The following DGKI variants were observed in gnomAD, a reference collection of about 807,000 sequenced individuals.
The protein encoded by DGKI is DAG kinase iota.
DGKI carries 55 observed loss-of-function variants against 147.5 expected under a neutral mutation model. The ratio of observed to expected loss-of-function variants is 0.37; its 90% CI spans 0.30 to 0.47. The LOEUF (loss-of-function observed/expected upper bound fraction) is 0.47. Among genes scored for constraint, DGKI ranks in the 20% least tolerant of loss-of-function variants. The pLI is 1.00. For missense variants in DGKI, 1,007 were observed against 1,323.8 expected (o/e 0.76, Z 3.71); for synonymous variants, 469 against 477.1 (o/e 0.98, Z 0.22).
At chr7:137,458,533 C>T (rs1010250946) in intron 27 of DGKI, among the ~76,000 whole-genome samples, 14 of 152,170 alleles carry the variant, frequency 9.2e-5, no homozygotes, top group African/African-American at 3.4e-4. Flanking sequence ...AAAAAGGTTA[C>T]TCTGATTCAG....
At chr7:137,807,661 A>G (rs563669679) in intron 1 of DGKI, among the ~76,000 whole-genome samples, 1 of 152,316 alleles carries the variant, frequency 6.6e-6, no homozygotes, top group South Asian at 2.1e-4. Flanking sequence ...CACTGCAGCT[A>G]TTGATAGGCC....
chr7:137,579,065 T>C (rs1303235727), intron 15 of DGKI, among the ~76,000 whole-genome samples: 3 of 152,228 alleles, frequency 2.0e-5, no homozygotes, highest in Non-Finnish European at 4.4e-5. Context: ...TGCCTATTTT[T>C]ATGTAGATGT....
At position 137,653,103 on chromosome 7, in the gene DGKI, G is replaced by GGT. The variant is rs916760284; in HGVS notation, c.738+1627_738+1628dup. On this transcript the variant is annotated intron_variant, in intron 5 of 32. Transcript: ENST00000614521. ...TTTCCAACATCTAATCAGTTTTTCA[G>GGT]GTGTGTGTGTGTGTGTATGTGTGTT... Among the ~76,000 whole-genome samples, 372 of 151,714 alleles carry GGT rather than the reference G, an allele frequency of 2.5e-3. 1 individual carries two copies. Among genetic ancestry groups the GGT allele is most frequent in the African/African-American group, 7.7e-3 (317 of 41,420 alleles).
intron 1 of DGKI, among the ~76,000 whole-genome samples, chr7:137,802,684 G>A (rs1162494632): frequency 6.6e-6 from 1 of 152,168 alleles, no homozygotes; most frequent in Non-Finnish European, 1.5e-5. Context: ...ATTTTCCAGA[G>A]TAAATTTCTT....
intron 21 of DGKI, among the ~76,000 whole-genome samples, chr7:137,488,639 A>G (rs1272228599): frequency 1.3e-5 from 2 of 152,210 alleles, no homozygotes. Context: ...GCAAATGATA[A>G]GACAGTGGTG....
In DGKI at chr7:137,461,284, T is replaced by C. The variant is rs957127922; in HGVS notation, c.2735+2205A>G. 5.7e-4 allele frequency among the ~76,000 whole-genome samples: 86 copies of C among 152,212 alleles called. 1 individual carries two copies. The highest frequency in any genetic ancestry group is 2.1e-3 in the African/African-American group (85 of 41,448). On this transcript the variant is annotated intron_variant, in intron 27 of 32. Transcript: ENST00000614521. ...GACCTAAGATAAATATTTTACCCTC[T>C]AGGAGCCTCAGTTTACTTATCTGTT... is the stretch of plus-strand genomic sequence containing the variant.
intron 1 of DGKI, among the ~76,000 whole-genome samples, chr7:137,740,411 T>G (rs540711794): frequency 3.5e-4 from 53 of 152,294 alleles, no homozygotes; most frequent in African/African-American, 1.2e-3. Context: ...CCCTGGGGCC[T>G]ACAGCCTGAC....
intron 1 of DGKI, among the ~76,000 whole-genome samples, chr7:137,754,070 C>T (rs2116771707): frequency 6.6e-6 from 1 of 152,058 alleles, no homozygotes; most frequent in Non-Finnish European, 1.5e-5. Flanking sequence ...GTCTAGAATC[C>T]AAGAGGGGTC....
At chr7:137,696,689 T>C (rs1180935408) in intron 1 of DGKI, among the ~76,000 whole-genome samples, 1 of 150,996 alleles carries the variant, frequency 6.6e-6, no homozygotes, top group East Asian at 2.0e-4. Context: ...CCTTATGGTA[T>C]CACTTGAGGG....
At chr7:137,790,373 C>T (rs1461065023) in intron 1 of DGKI, among the ~76,000 whole-genome samples, 1 of 152,108 alleles carries the variant, frequency 6.6e-6, no homozygotes, top group Non-Finnish European at 1.5e-5. Flanking sequence ...CTGGATATGA[C>T]TGCAATAAGC....
rs149442855 is a variant in DGKI at position 137,767,913 on chromosome 7, T to A, written c.402-77911A>T. On this transcript the variant is annotated intron_variant, in intron 1 of 32. Transcript: ENST00000614521. ...ATACATAATAAAGGTGAGCTATTTTTAAAAATATTATATAATATTCCAGTA... is the reference window on the plus strand; with the variant it reads ...ATACATAATAAAGGTGAGCTATTTTAAAAAATATTATATAATATTCCAGTA... 7.4e-4 allele frequency among the ~76,000 whole-genome samples: 113 copies of A among 152,310 alleles called. 1 individual carries two copies. The highest frequency in any genetic ancestry group is 6.8e-3 in the South Asian group (33 of 4,830).
At chr7:137,824,515 CAAAA>C (rs532349887) in intron 1 of DGKI, among the ~76,000 whole-genome samples, 1 of 56,578 alleles carries the variant, frequency 1.8e-5, no homozygotes, top group African/African-American at 1.1e-4. Context: ...GACTCCATCT[CAAAA>C]AAAAAAAAAA....
chr7:137,794,175 T>C (rs528542079), intron 1 of DGKI, among the ~76,000 whole-genome samples: 1 of 152,316 alleles, frequency 6.6e-6, no homozygotes, highest in Admixed American at 6.5e-5. Context: ...CCTCTGTAGG[T>C]TGGCCCATGT....
At chr7:137,721,879 G>A (rs1794567730) in intron 1 of DGKI, 1 of 691,850 alleles carries the variant, frequency 1.4e-6, no homozygotes, top group African/African-American at 1.8e-5. Context: ...CATTTGCCCA[G>A]AATGCTAACT....
At chr7:137,396,819 T>C (rs906087435) in intron 31 of DGKI, among the ~76,000 whole-genome samples, 12 of 152,334 alleles carry the variant, frequency 7.9e-5, no homozygotes, top group African/African-American at 2.9e-4. Context: ...AAAACAAACA[T>C]TATCATCAGT....
At chr7:137,639,211 T>C (rs1821531959) in intron 6 of DGKI, among the ~76,000 whole-genome samples, 2 of 152,180 alleles carry the variant, frequency 1.3e-5, no homozygotes, top group Non-Finnish European at 2.9e-5. Flanking sequence ...ATATGAAATA[T>C]GCAATGAGAT....
At chr7:137,775,383 T>C (rs913439507) in intron 1 of DGKI, among the ~76,000 whole-genome samples, 2 of 152,226 alleles carry the variant, frequency 1.3e-5, no homozygotes, top group African/African-American at 4.8e-5. Context: ...TTTCTTCTTC[T>C]CCTTCACTTT....
At chr7:137,454,868 G>T (rs561485637) in intron 27 of DGKI, 124 of 152,266 alleles carry the variant, frequency 8.1e-4, no homozygotes, top group African/African-American at 2.8e-3. Flanking sequence ...TCTGGATTTT[G>T]TAAATGTGGA....
At position 137,383,498 on chromosome 7, in the gene DGKI, T is replaced by G. The variant is rs537801447; in HGVS notation, c.*7722A>C. 6.6e-6 allele frequency: 1 copy of G among 151,838 alleles called. No individual in the cohort carries two copies. Among genetic ancestry groups the G allele is most frequent in the East Asian group, 2.0e-4 (1 of 5,128 alleles). The allele number at this position is 151,838 out of a possible 1,614,324, so 9.4% of individuals were successfully genotyped here. A position where few individuals can be genotyped will look rare whatever the true frequency, so the allele number is the denominator to read the frequency against. On this transcript the variant is annotated 3_prime_UTR_variant, in exon 33 of 33. Transcript: ENST00000614521. ...AGGCTCAAATTGAGTTCTGTTCCAG[T>G]CTAAAATTATAGACATTTAAACCAA...
Sources: gnomAD v4.1 joint callset for allele counts (sites outside exome capture counted in the v4.1 genomes callset) on GRCh38, gnomAD v4.1.1 for gene constraint, MANE v1.5 for transcripts, NCBI Gene and HGNC (gene_info 2026-07-23, HGNC 2026-07-21) for gene names.